Variants in KCNK1 observed in about 807,000 individuals in gnomAD.
KCNK1 encodes potassium channel subfamily K member 1.
Under a neutral mutation model 22.2 loss-of-function variants are expected in KCNK1, and 10 were observed. The observed-to-expected ratio is 0.45, with a 90% CI of 0.28 to 0.76. The LOEUF (loss-of-function observed/expected upper bound fraction) is 0.76, where lower values mean the gene tolerates loss of function less well. Ranked by LOEUF, KCNK1 falls within the 30% of genes least tolerant of loss-of-function variation. KCNK1 has a pLI of 0.14. For missense variants in KCNK1, 378 were observed against 421.0 expected, an observed-to-expected ratio of 0.90 and a Z score of 0.89; for synonymous variants, 200 against 186.4, an observed-to-expected ratio of 1.07 and a Z score of -0.60.
chr1:233,644,753 G>A (rs1658062429), intron 1 of KCNK1, among the ~76,000 whole-genome samples: 1 of 152,136 alleles, frequency 6.6e-6, no homozygotes, highest in Non-Finnish European at 1.5e-5. Flanking sequence ...TCTGTCCAGA[G>A]GGATGTGGTA....
chr1:233,631,030 A>G (rs1657781718), intron 1 of KCNK1, among the ~76,000 whole-genome samples: 1 of 152,184 alleles, frequency 6.6e-6, no homozygotes, highest in Non-Finnish European at 1.5e-5. Flanking sequence ...AGCATTTCCA[A>G]AAGAGCTACT....
In KCNK1 at chr1:233,672,036, T is replaced by C. The variant is rs961367080; in HGVS notation, c.*506T>C. On this transcript the variant is annotated 3_prime_UTR_variant, in exon 3 of 3. Coordinates refer to ENST00000366621, the MANE Select transcript of KCNK1 (RefSeq NM_002245.4). ...TCTAAGTTAAACTTACTATTTATAA[T>C]GCATAGGTAACCATTAACTATGTAC... 1 of 161,884 alleles carries C rather than the reference T, an allele frequency of 6.2e-6. No homozygotes were observed. Among genetic ancestry groups the C allele is most frequent in the African/African-American group, 2.4e-5 (1 of 41,508 alleles). The allele number at this position is 161,884 out of a possible 1,614,324, so 10.0% of individuals were successfully genotyped here. A position where few individuals can be genotyped will look rare whatever the true frequency, so the allele number is the denominator to read the frequency against.
At chr1:233,667,678 C>T (rs1466666814) in intron 2 of KCNK1, among the ~76,000 whole-genome samples, 1 of 131,614 alleles carries the variant, frequency 7.6e-6, no homozygotes, top group Non-Finnish European at 1.5e-5. Flanking sequence ...TGCAGTGAGC[C>T]GAGATCGCGC....
chr1:233,667,680 A>G (rs1021511284), intron 2 of KCNK1, among the ~76,000 whole-genome samples: 79 of 142,850 alleles, frequency 5.5e-4, no homozygotes, highest in African/African-American at 1.9e-3. Flanking sequence ...CAGTGAGCCG[A>G]GATCGCGCCA....
chr1:233,655,031 T>G (rs1371581662), intron 1 of KCNK1, among the ~76,000 whole-genome samples: 1 of 152,122 alleles, frequency 6.6e-6, no homozygotes, highest in East Asian at 1.9e-4. Context: ...ATAGACACGA[T>G]TCTAGCTCTT....
At chr1:233,636,157 A>G (rs1418846984) in intron 1 of KCNK1, among the ~76,000 whole-genome samples, 1 of 152,192 alleles carries the variant, frequency 6.6e-6, no homozygotes, top group African/African-American at 2.4e-5. Flanking sequence ...GTAGGACCTT[A>G]TGGGCCCTGA....
chr1:233,656,728 C>G (rs991348124), intron 1 of KCNK1, among the ~76,000 whole-genome samples: 18 of 152,190 alleles, frequency 1.2e-4, no homozygotes, highest in Admixed American at 1.2e-3. Flanking sequence ...AATTGATCCT[C>G]CCACCTCAGC....
intron 1 of KCNK1, among the ~76,000 whole-genome samples, chr1:233,659,409 AT>A (rs537647908): frequency 6.7e-6 from 1 of 148,934 alleles, no homozygotes; most frequent in African/African-American, 2.5e-5. Context: ...TACATTTGAC[AT>A]TTTTTTTATT....
intron 1 of KCNK1, among the ~76,000 whole-genome samples, chr1:233,641,982 A>G (rs1286188294): frequency 6.6e-6 from 1 of 152,176 alleles, no homozygotes. Context: ...TGTCATCTCA[A>G]GTTTGATGAG....
At chr1:233,642,071 C>T (rs780889273) in intron 1 of KCNK1, among the ~76,000 whole-genome samples, 4 of 148,474 alleles carry the variant, frequency 2.7e-5, no homozygotes, top group Admixed American at 1.3e-4. Context: ...TCATCTGTCT[C>T]CTGTTTTTAG....
In KCNK1 at chr1:233,666,738, T is replaced by C. The variant is rs752862732; in HGVS notation, c.499T>C (p.Tyr167His). 17 of 1,614,086 alleles carry C rather than the reference T, an allele frequency of 1.1e-5. No homozygotes were observed. Among genetic ancestry groups the C allele is most frequent in the Non-Finnish European group, 1.4e-5 (17 of 1,180,050 alleles). The change falls in exon 2 of 3, where the codon TAC (tyrosine) becomes CAC (histidine). Residue 167 changes from tyrosine to histidine, a missense_variant. Transcript: ENST00000366621. ...TVHVTRRPVL[Y>H]FHIRWGFSKQ... ...GCACGTCACCCGCAGGCCGGTCCTC[T>C]ACTTCCACATCCGCTGGGGCTTCTC...
chr1:233,634,704 T>C (rs376183887), intron 1 of KCNK1, among the ~76,000 whole-genome samples: 2 of 152,336 alleles, frequency 1.3e-5, no homozygotes, highest in South Asian at 2.1e-4. Context: ...TATTCTTTAG[T>C]AATAAGGGTC....
rs759218113 is a variant in KCNK1, at chr1:233,666,730, C to T, written c.491C>T (p.Pro164Leu). ...ATCACCGTGCACGTCACCCGCAGGC[C>T]GGTCCTCTACTTCCACATCCGCTGG... ...QRITVHVTRRPVLYFHIRWGF... is the reference protein window; with the variant it reads ...QRITVHVTRRLVLYFHIRWGF... The change falls in exon 2 of 3, where the codon CCG becomes CTG. Residue 164 changes from proline (P) to leucine (L), a missense_variant. Physicochemically the swap from Pro to Leu is moderately conservative, Grantham distance 98 (BLOSUM62 -3). Transcript: ENST00000366621. The T allele has an allele frequency of 5.6e-6, 9 of 1,614,140 alleles. No individual in the cohort carries two copies. The highest frequency in any genetic ancestry group is 7.6e-6 in the Non-Finnish European group (9 of 1,180,018).
chr1:233,620,134 A>G (rs577864949), intron 1 of KCNK1, among the ~76,000 whole-genome samples: 6 of 152,328 alleles, frequency 3.9e-5, no homozygotes, highest in African/African-American at 1.4e-4. Flanking sequence ...ATTGTCCATA[A>G]ACACAGTTTT....
chr1:233,650,089 G>A (rs981711250), intron 1 of KCNK1: 1 of 529,848 alleles, frequency 1.9e-6, no homozygotes, highest in Non-Finnish European at 3.9e-6. Flanking sequence ...ATGCCACCTA[G>A]AAGAGAACTT....
At position 233,624,810 on chromosome 1, in the gene KCNK1, G is replaced by A. The variant is rs144627467; in HGVS notation, c.355+10284G>A. Among the ~76,000 whole-genome samples, 40 of 152,230 alleles carry A rather than the reference G, an allele frequency of 2.6e-4. 1 individual carries two copies. In the East Asian group the frequency reaches 7.2e-3, roughly 27 times the overall value. On this transcript the variant is annotated intron_variant, in intron 1 of 2. Transcript: ENST00000366621. ...CCTAAGTGATATAAAGAGAAGAGAG[G>A]CATTCATTCCTCTCTGAGTATTTGT...
intron 1 of KCNK1, among the ~76,000 whole-genome samples, chr1:233,639,778 T>C (rs1014540570): frequency 6.6e-6 from 1 of 152,232 alleles, no homozygotes; most frequent in Non-Finnish European, 1.5e-5. Context: ...TTTTTGCTTT[T>C]GTACTCCTGG....
At chr1:233,627,253 A>G (rs912558639) in intron 1 of KCNK1, among the ~76,000 whole-genome samples, 4 of 152,212 alleles carry the variant, frequency 2.6e-5, no homozygotes, top group African/African-American at 9.7e-5. Context: ...TCCCTCAAAT[A>G]CTGTATTTTT....
Position 233,666,580 on chromosome 1 carries a change from T to G in KCNK1, c.356-15T>G. On this transcript the variant is annotated splice_polypyrimidine_tract_variant and intron_variant, in intron 1 of 2. Transcript: ENST00000366621. ...TCTCTTCCTCTTCGCCTCAGTGACC[T>G]TGTTCTCCTTGCAGGTTATGGCCAC... 1 of 1,582,640 alleles carries G rather than the reference T, an allele frequency of 6.3e-7. No individual in the cohort carries two copies. Among genetic ancestry groups the G allele is most frequent in the African/African-American group, 1.3e-5 (1 of 74,180 alleles).
Sources: gnomAD v4.1 joint callset for allele counts (sites outside exome capture counted in the v4.1 genomes callset) on GRCh38, gnomAD v4.1.1 for gene constraint, MANE v1.5 for transcripts, NCBI Gene and HGNC (gene_info 2026-07-23, HGNC 2026-07-21) for gene names.